Variants in AHNAK observed in about 807,000 individuals in gnomAD.
AHNAK encodes the protein neuroblast differentiation-associated protein AHNAK.
Under a neutral mutation model 37.8 loss-of-function variants are expected in AHNAK, and 23 were observed. That is an observed-to-expected ratio of 0.61 (90% CI 0.44 to 0.86). AHNAK has a LOEUF of 0.86. Ranked by LOEUF, AHNAK falls within the 40% of genes least tolerant of loss-of-function variation. The pLI, the probability that AHNAK is intolerant of heterozygous loss-of-function variation, is 0.00. For missense variants in AHNAK, 7,411 were observed against 7,319.4 expected (o/e 1.01, Z -0.46); for synonymous variants, 2,481 against 2,636.3 (o/e 0.94, Z 1.80).
At chr11:62,471,750 C>G (rs1444387040) in intron 5 of AHNAK, among the ~76,000 whole-genome samples, 3 of 152,198 alleles carry the variant, frequency 2.0e-5, no homozygotes, top group Non-Finnish European at 4.4e-5. Context: ...GCCGGACATG[C>G]CCTGAGGCCT....
rs796388043 is a variant in AHNAK at position 62,534,150 on chromosome 11, G to A, written c.343-76C>T. On this transcript the variant is annotated intron_variant, in intron 4 of 4. Coordinates refer to ENST00000378024, the MANE Select transcript of AHNAK (RefSeq NM_001620.3). ...GCAGATGCCCGGCCACAGCCCAGCC[G>A]ACAACACGTTGCCTGTTTCCCAGAG... is the stretch of plus-strand genomic sequence containing the variant. 2.2e-5 allele frequency: 31 copies of A among 1,430,274 alleles called. No homozygotes were observed. The African/African-American group carries it at 2.3e-4, about 11-fold the overall frequency. 88.6% of individuals were successfully genotyped at this position (1,430,274 alleles called of 1,614,324 possible).
rs185085713 is a variant in AHNAK at position 62,464,524 on chromosome 11, C to T, written c.442+27208G>A. 7.8e-3 allele frequency among the ~76,000 whole-genome samples: 1,182 copies of T among 152,142 alleles called. 10 individuals carry two copies. The highest frequency in any genetic ancestry group is 0.012 in the Non-Finnish European group (841 of 67,986). ...CTCTACTAAAAATACAAAAATTAGC[C>T]GGGCGTGGTGCCACGCACCTGTAGT... On this transcript the variant is annotated intron_variant, in intron 5 of 5. Coordinates refer to the AHNAK transcript ENST00000257247.
At chr11:62,506,565 C>G (rs1939815548) in intron 4 of AHNAK, among the ~76,000 whole-genome samples, 1 of 152,112 alleles carries the variant, frequency 6.6e-6, no homozygotes, top group Non-Finnish European at 1.5e-5. Flanking sequence ...ACAGGAGGCT[C>G]AGCCCCTCAG....
At position 62,534,962 on chromosome 11, in the gene AHNAK, C is replaced by A. The variant is rs376055236; in HGVS notation, c.342+41G>T. 19 of 1,582,528 alleles carry A rather than the reference C, an allele frequency of 1.2e-5. 1 individual carries two copies. In the East Asian group the frequency reaches 4.3e-4, roughly 36 times the overall value. On this transcript the variant is annotated intron_variant, in intron 4 of 4. Transcript: ENST00000378024. ...AGTGGGGTCAGCAGGCCGGCATGGC[C>A]GGGGGAGCTCAGGGCACAGATGGGC...
Position 62,518,156 on chromosome 11 carries a change from G to C in AHNAK, c.16261C>G (p.His5421Asp). ...FGISTPGSDL[H>D]VNAKGPQVSG... ...ACCTGTGGCCCCTTGGCATTGACGT[G>C]CAAGTCGGACCCCGGAGTAGAGATG... is the stretch of plus-strand genomic sequence containing the variant. Residue 5421 changes from histidine (H) to aspartate (D), a missense_variant, in exon 5 of 5, where the codon CAC becomes GAC. Physicochemically the swap from His to Asp is moderately conservative, Grantham distance 81 (BLOSUM62 -1). Transcript: ENST00000378024. 1 of 1,614,126 alleles carries C rather than the reference G, an allele frequency of 6.2e-7. No individual in the cohort carries two copies. The highest frequency in any genetic ancestry group is 1.3e-5 in the African/African-American group (1 of 75,022).
chr11:62,442,097 T>C (rs915676694), intron 5 of AHNAK, among the ~76,000 whole-genome samples: 3 of 152,136 alleles, frequency 2.0e-5, no homozygotes, highest in African/African-American at 7.2e-5. Context: ...TACAAAGCAA[T>C]GGGTGGTGTT....
chr11:62,504,440 C>T (rs143618416), intron 4 of AHNAK, among the ~76,000 whole-genome samples: 2 of 152,100 alleles, frequency 1.3e-5, no homozygotes, highest in African/African-American at 2.4e-5. Flanking sequence ...CTGGCTGCCT[C>T]CACTCTCTCA....
chr11:62,496,721 G>A (rs1233423241), intron 4 of AHNAK, among the ~76,000 whole-genome samples: 1 of 152,064 alleles, frequency 6.6e-6, no homozygotes, highest in African/African-American at 2.4e-5. Flanking sequence ...CTTGAACCCG[G>A]GAGGCGGCAG....
chr11:62,489,420 C>T (rs1939458858), intron 5 of AHNAK, among the ~76,000 whole-genome samples: 1 of 152,172 alleles, frequency 6.6e-6, no homozygotes, highest in Admixed American at 6.5e-5. Flanking sequence ...GAGCCATGAG[C>T]AGCCACTGAA....
chr11:62,478,627 G>A lies in AHNAK; in HGVS notation c.442+13105C>T, dbSNP rs139499735. 1.1e-4 allele frequency among the ~76,000 whole-genome samples: 17 copies of A among 151,758 alleles called. No homozygotes were observed. The East Asian group carries it at 2.5e-3, about 23-fold the overall frequency. On this transcript the variant is annotated intron_variant, in intron 5 of 5. Transcript: ENST00000257247. ...GCTGGGCATGGTGGCACACGCCTGT[G>A]GTCCTAGCTACTCAGGAGACTGAGG...
intron 3 of AHNAK, 132 bp downstream of exon 3, chr11:62,535,813 C>G: frequency 3.2e-6 from 4 of 1,254,154 alleles, no homozygotes; most frequent in Non-Finnish European, 4.3e-6. Flanking sequence ...TGGGTACCAA[C>G]CACCCTGATG....
In AHNAK at chr11:62,535,071, G is replaced by C; in HGVS notation, c.274C>G (p.Arg92Gly). ...CAGGTCTGGCCAGGCTCGGGAGAGC[G>C]GTCCCCCTTGCGGTGCAGCTTCAGG... Reference protein sequence around the residue: ...VGLKLHRKGDRSPEPGQTWTR... With the variant: ...VGLKLHRKGDGSPEPGQTWTR... Residue 92 changes from arginine (R) to glycine (G), a missense_variant, in exon 4 of 5, where the codon CGC becomes GGC. Physicochemically the swap from Arg to Gly is moderately radical, Grantham distance 125 (BLOSUM62 -2). Transcript: ENST00000378024. 2.5e-6 allele frequency: 4 copies of C among 1,613,948 alleles called. No homozygotes were observed. The highest frequency in any genetic ancestry group is 3.4e-6 in the Non-Finnish European group (4 of 1,179,918).
At chr11:62,496,798 CAAGA>C (rs548105819) in intron 4 of AHNAK, among the ~76,000 whole-genome samples, 35 of 134,926 alleles carry the variant, frequency 2.6e-4, no homozygotes, top group East Asian at 1.1e-3. Flanking sequence ...GACTCCATCT[CAAGA>C]AAGAAAGAAA....
chr11:62,502,434 A>G (rs1387668770), intron 4 of AHNAK, among the ~76,000 whole-genome samples: 4 of 152,236 alleles, frequency 2.6e-5, no homozygotes, highest in Non-Finnish European at 5.9e-5. Context: ...CTAAACAGTA[A>G]TTGACAGAAG....
chr11:62,535,115 ATGGTGTTCAGCAGC>A lies in AHNAK; in HGVS notation c.216_229del (p.Gln72HisfsTer27). 6.2e-7 allele frequency: 1 copy of A among 1,613,918 alleles called. No homozygotes were observed. The highest frequency in any genetic ancestry group is 8.5e-7 in the Non-Finnish European group (1 of 1,179,874). On this transcript the variant is annotated frameshift_variant, in exon 4 of 5. Transcript: ENST00000378024. LOFTEE classifies it high-confidence loss of function. ...CTTCAGGCCCACCGTGTGGTGCCCC[ATGGTGTTCAGCAGC>A]TGGGTCACCTCACCCGACTGCAGGT...
chr11:62,491,615 A>G, intron 5 of AHNAK: 1 of 954,728 alleles, frequency 1.0e-6, no homozygotes, highest in South Asian at 1.6e-5. Flanking sequence ...TGGGGTCCTG[A>G]GCCATATCCT....
At chr11:62,456,401 C>T (rs756183330) in intron 5 of AHNAK, among the ~76,000 whole-genome samples, 7 of 152,136 alleles carry the variant, frequency 4.6e-5, no homozygotes, top group African/African-American at 4.8e-5. Flanking sequence ...GCAGTTTGCA[C>T]GCTTATTTCA....
In AHNAK at chr11:62,516,433, A is replaced by G. The variant is rs558797925; in HGVS notation, c.*311T>C. On this transcript the variant is annotated 3_prime_UTR_variant, in exon 5 of 5. Coordinates refer to ENST00000378024, the MANE Select transcript of AHNAK (RefSeq NM_001620.3). ...TGTTCAGTAAAAATGAGGATAATAA[A>G]CACAAAAGCTTGCTTAGTAAACAGG... The G allele has an allele frequency of 1.6e-4, 204 of 1,263,826 alleles. 5 individuals carry two copies. The South Asian group carries it at 2.7e-3, about 16-fold the overall frequency. The allele number at this position is 1,263,826 out of a possible 1,614,324, so 78.3% of individuals were successfully genotyped here. A position where few individuals can be genotyped will look rare whatever the true frequency, so the allele number is the denominator to read the frequency against.
At chr11:62,441,403 G>A (rs554175907) in intron 5 of AHNAK, among the ~76,000 whole-genome samples, 13 of 152,258 alleles carry the variant, frequency 8.5e-5, no homozygotes, top group Middle Eastern at 3.4e-3. Context: ...AGCCCAGGAA[G>A]TAGAGGCTGC....
Sources: gnomAD v4.1 joint callset for allele counts (sites outside exome capture counted in the v4.1 genomes callset) on GRCh38, gnomAD v4.1.1 for gene constraint, MANE v1.5 for transcripts, NCBI Gene and HGNC (gene_info 2026-07-23, HGNC 2026-07-21) for gene names.